KCNG3: variants seen among roughly 807,000 people sequenced by gnomAD.
KCNG3 encodes the protein voltage-gated potassium channel regulatory subunit KCNG3.
Under a neutral mutation model 29.0 loss-of-function variants are expected in KCNG3, and 15 were observed. That is an observed-to-expected ratio of 0.52 (90% confidence interval 0.35 to 0.80). KCNG3 has a LOEUF of 0.80. KCNG3 is among the 30% of genes least tolerant of loss of function. The pLI, the probability that KCNG3 is intolerant of heterozygous loss-of-function variation, is 0.01. For synonymous variants in KCNG3, 322 were observed against 248.9 expected, an observed-to-expected ratio of 1.29 and a Z score of -2.76; for missense variants, 512 against 605.7, an observed-to-expected ratio of 0.85 and a Z score of 1.62.
At chr2:42,468,191 G>A (rs896764566) in intron 1 of KCNG3, among the ~76,000 whole-genome samples, 6 of 152,286 alleles carry the variant, frequency 3.9e-5, no homozygotes, top group African/African-American at 1.2e-4. Context: ...TTTAGTCACT[G>A]CAGCAAGACA....
intron 1 of KCNG3, among the ~76,000 whole-genome samples, chr2:42,471,182 GTGTATA>G (rs1209371130): frequency 2.7e-5 from 4 of 147,596 alleles, no homozygotes; most frequent in South Asian, 4.3e-4. Context: ...GTGTGTGTGT[GTGTATA>G]TATATATATA....
the KCNG3 span, among the ~76,000 whole-genome samples, chr2:42,416,567 G>A: frequency 2.8e-3 from 421 of 152,236 alleles, 1 homozygote; most frequent in African/African-American, 9.4e-3. Context: ...GGTGGCTCAC[G>A]CCTGTAATCC....
At chr2:42,487,766 G>A (rs548450786) in intron 1 of KCNG3, among the ~76,000 whole-genome samples, 1 of 152,296 alleles carries the variant, frequency 6.6e-6, no homozygotes, top group South Asian at 2.1e-4. Context: ...TCTCAGGAAT[G>A]TATCCTATGG....
the KCNG3 span, among the ~76,000 whole-genome samples, chr2:42,400,445 C>G: frequency 6.6e-6 from 1 of 152,144 alleles, no homozygotes; most frequent in African/African-American, 2.4e-5. Flanking sequence ...GTTCCTACAT[C>G]TGGACCTTGG....
chr2:42,417,906 G>A, the KCNG3 span, among the ~76,000 whole-genome samples: 4 of 151,828 alleles, frequency 2.6e-5, no homozygotes, highest in African/African-American at 7.2e-5. Context: ...CAGGAGGTGC[G>A]GGTTGCAGTG....
At chr2:42,390,083 T>C in the KCNG3 span, among the ~76,000 whole-genome samples, 3 of 152,326 alleles carry the variant, frequency 2.0e-5, no homozygotes, top group South Asian at 2.1e-4. Flanking sequence ...AAAGGACATA[T>C]GTGTGTTCCT....
downstream of KCNG3, among the ~76,000 whole-genome samples, chr2:42,437,432 G>T (rs75239935): frequency 6.0e-3 from 912 of 152,236 alleles, 8 homozygotes; most frequent in African/African-American, 0.021. Context: ...ATAGGTAAGA[G>T]ATTAAGCAGT....
At chr2:42,393,403 A>T in the KCNG3 span, among the ~76,000 whole-genome samples, 6 of 152,208 alleles carry the variant, frequency 3.9e-5, no homozygotes, top group South Asian at 1.2e-3. Flanking sequence ...TCTGCTAAAA[A>T]TACAAAAATG....
Position 42,493,689 on chromosome 2 carries a change from T to G in KCNG3, c.-188A>C. The G allele has an allele frequency of 2.5e-6, 1 of 399,286 alleles. No homozygotes were observed. The highest frequency in any genetic ancestry group is 4.2e-6 in the Non-Finnish European group (1 of 238,646). 24.7% of individuals were successfully genotyped at this position (399,286 alleles called of 1,614,324 possible). ...TGGGCTCGAGTATCTCCGGCGCTGC[T>G]AGTAGCGCGCCCTCCGCCCGGCGGT... On this transcript the variant is annotated 5_prime_UTR_variant, in exon 1 of 2. Transcript: ENST00000306078.
the KCNG3 span, among the ~76,000 whole-genome samples, chr2:42,406,314 G>C: frequency 6.6e-6 from 1 of 151,194 alleles, no homozygotes; most frequent in Non-Finnish European, 1.5e-5. Flanking sequence ...CTGCCTCCTG[G>C]GTTCAAGCAA....
At chr2:42,398,150 G>T in the KCNG3 span, among the ~76,000 whole-genome samples, 806 of 152,022 alleles carry the variant, frequency 5.3e-3, 5 homozygotes, top group African/African-American at 0.019. Flanking sequence ...GTGATCCCAG[G>T]AGGCGGAGCT....
At chr2:42,400,828 A>G in the KCNG3 span, among the ~76,000 whole-genome samples, 2 of 151,932 alleles carry the variant, frequency 1.3e-5, no homozygotes, top group African/African-American at 4.8e-5. Flanking sequence ...CAACCAACCC[A>G]CTGAAATTTT....
the KCNG3 span, among the ~76,000 whole-genome samples, chr2:42,406,941 T>C: frequency 6.6e-6 from 1 of 152,086 alleles, no homozygotes; most frequent in Non-Finnish European, 1.5e-5. Flanking sequence ...AAACATTCTA[T>C]ATGATAAAAT....
At chr2:42,483,554 T>C (rs1020244538) in intron 1 of KCNG3, among the ~76,000 whole-genome samples, 13 of 152,172 alleles carry the variant, frequency 8.5e-5, no homozygotes, top group Non-Finnish European at 4.4e-5. Flanking sequence ...ACATATTGGA[T>C]AAAGTACCTA....
intron 1 of KCNG3, among the ~76,000 whole-genome samples, chr2:42,477,232 A>T (rs2103720616): frequency 6.6e-6 from 1 of 151,458 alleles, no homozygotes; most frequent in Non-Finnish European, 1.5e-5. Context: ...TTAAAAAAAA[A>T]TACTTAGATC....
the KCNG3 span, among the ~76,000 whole-genome samples, chr2:42,420,518 G>A: frequency 8.9e-4 from 135 of 152,248 alleles, 1 homozygote; most frequent in African/African-American, 3.1e-3. Flanking sequence ...GGCCGGGTGA[G>A]ATGGCTCATG....
intron 1 of KCNG3, among the ~76,000 whole-genome samples, chr2:42,486,450 T>C (rs748402552): frequency 6.6e-6 from 1 of 152,192 alleles, no homozygotes; most frequent in African/African-American, 2.4e-5. Flanking sequence ...ATAGCTTTCA[T>C]CTGCTTAAAA....
At chr2:42,487,708 A>G (rs996226751) in intron 1 of KCNG3, among the ~76,000 whole-genome samples, 2 of 152,232 alleles carry the variant, frequency 1.3e-5, no homozygotes, top group Non-Finnish European at 2.9e-5. Flanking sequence ...GTTTGGAATT[A>G]TCTGTGAAAA....
At chr2:42,465,642 A>T (rs555359459) in intron 1 of KCNG3, among the ~76,000 whole-genome samples, 8 of 152,202 alleles carry the variant, frequency 5.3e-5, no homozygotes, top group Admixed American at 1.3e-4. Context: ...ACTTCACCAA[A>T]ATTTAAAACT....
Sources: allele counts gnomAD v4.1 joint callset (sites outside exome capture counted in the v4.1 genomes callset), GRCh38; gene constraint gnomAD v4.1.1; transcripts MANE v1.5; gene names NCBI Gene and HGNC (gene_info 2026-07-23, HGNC 2026-07-21).